The following CDH13 variants were observed in gnomAD, a reference collection of about 807,000 sequenced individuals.
CDH13 encodes the protein cadherin 13.
CDH13 carries 24 observed loss-of-function variants against 63.8 expected under a neutral mutation model. That is an observed-to-expected ratio of 0.38 (90% confidence interval 0.27 to 0.53). The LOEUF (loss-of-function observed/expected upper bound fraction) is 0.53, where lower values mean the gene tolerates loss of function less well. Among genes scored for constraint, CDH13 ranks in the 20% least tolerant of loss-of-function variants. The pLI, the probability that CDH13 is intolerant of heterozygous loss-of-function variation, is 0.85. For missense variants in CDH13, 1,049 were observed against 903.1 expected (o/e 1.16, Z -2.07); for synonymous variants, 503 against 355.3 (o/e 1.42, Z -4.67).
intron 7 of CDH13, among the ~76,000 whole-genome samples, chr16:83,511,701 T>G (rs1472089404): frequency 2.6e-5 from 4 of 152,114 alleles, no homozygotes; most frequent in Admixed American, 6.6e-5. Context: ...AAGAAAAAAG[T>G]ATAATTATCC....
At chr16:83,474,247 C>G (rs2073540779) in intron 6 of CDH13, among the ~76,000 whole-genome samples, 1 of 152,192 alleles carries the variant, frequency 6.6e-6, no homozygotes, top group Non-Finnish European at 1.5e-5. Context: ...TATATTTTAC[C>G]TGCATCTTTA....
chr16:83,181,339 A>G (rs1382954833), intron 4 of CDH13, among the ~76,000 whole-genome samples: 1 of 152,188 alleles, frequency 6.6e-6, no homozygotes, highest in Non-Finnish European at 1.5e-5. Flanking sequence ...GGATTTGATA[A>G]GTCTGCAGAG....
At chr16:82,638,823 T>TGTGTGTGTGTGGTGTGTGTGCGCGCGC (rs139451683) in intron 1 of CDH13, among the ~76,000 whole-genome samples, 1 of 150,790 alleles carries the variant, frequency 6.6e-6, no homozygotes, top group Admixed American at 6.6e-5. Flanking sequence ...GGGCAGTGTG[T>TGTGTGTGTGTGGTGTGTGTGCGCGCGC]GCGTGTGTGC....
intron 4 of CDH13, among the ~76,000 whole-genome samples, chr16:83,173,216 C>G (rs1476042212): frequency 6.6e-6 from 1 of 152,142 alleles, no homozygotes; most frequent in African/African-American, 2.4e-5. Flanking sequence ...TGGTCATACA[C>G]TCTGCTGGTT....
At chr16:82,937,250 G>C (rs1051419220) in intron 2 of CDH13, among the ~76,000 whole-genome samples, 2 of 152,134 alleles carry the variant, frequency 1.3e-5, no homozygotes, top group African/African-American at 4.8e-5. Context: ...TAGCCTCACA[G>C]ATATACATAA....
At chr16:83,121,679 C>T (rs1219583336) in intron 3 of CDH13, among the ~76,000 whole-genome samples, 2 of 152,174 alleles carry the variant, frequency 1.3e-5, no homozygotes, top group African/African-American at 4.8e-5. Flanking sequence ...ATTTTTGCCC[C>T]TTATAAATCA....
intron 1 of CDH13, among the ~76,000 whole-genome samples, chr16:82,828,906 G>T (rs932036206): frequency 6.6e-6 from 1 of 152,102 alleles, no homozygotes; most frequent in Non-Finnish European, 1.5e-5. Context: ...CCTGGAATCA[G>T]TCCCTCACAG....
intron 5 of CDH13, among the ~76,000 whole-genome samples, chr16:83,229,743 G>C (rs1352508022): frequency 6.6e-6 from 1 of 152,058 alleles, no homozygotes. Flanking sequence ...ACCTTTTCTG[G>C]AATCATGTTG....
intron 4 of CDH13, among the ~76,000 whole-genome samples, chr16:83,141,861 G>A (rs1433234567): frequency 6.6e-6 from 1 of 152,034 alleles, no homozygotes. Context: ...CTTTTTTATG[G>A]CTGCATAGTA....
chr16:82,911,940 G>A (rs1324471637), intron 2 of CDH13, among the ~76,000 whole-genome samples: 3 of 151,852 alleles, frequency 2.0e-5, no homozygotes, highest in Non-Finnish European at 4.4e-5. Flanking sequence ...GAACCACCCG[G>A]CACTTGCTGA....
intron 1 of CDH13, among the ~76,000 whole-genome samples, chr16:82,849,044 A>G (rs919821213): frequency 6.6e-6 from 1 of 152,086 alleles, no homozygotes; most frequent in African/African-American, 2.4e-5. Context: ...AGATGATCAA[A>G]CCAGCCGCAA....
chr16:82,631,089 T>G (rs774347528), intron 1 of CDH13, among the ~76,000 whole-genome samples: 4 of 152,246 alleles, frequency 2.6e-5, no homozygotes, highest in Non-Finnish European at 5.9e-5. Context: ...TTGCTTTCCT[T>G]CTTTTGCTCT....
chr16:83,738,234 C>T (rs1374323775), intron 10 of CDH13, among the ~76,000 whole-genome samples: 3 of 152,198 alleles, frequency 2.0e-5, no homozygotes, highest in African/African-American at 7.2e-5. Flanking sequence ...AGGGAATACA[C>T]TGCTGTCTTC....
At chr16:82,834,394 G>T (rs117937873) in intron 1 of CDH13, among the ~76,000 whole-genome samples, 2,345 of 152,224 alleles carry the variant, frequency 0.015, 34 homozygotes, top group Middle Eastern at 0.024. Flanking sequence ...GATTCAAAGA[G>T]CATCTATTCA....
chr16:83,516,572 C>A (rs1401468687), intron 7 of CDH13, among the ~76,000 whole-genome samples: 1 of 152,142 alleles, frequency 6.6e-6, no homozygotes, highest in South Asian at 2.1e-4. Flanking sequence ...TCTTCCTAGA[C>A]CTGGGATTTT....
rs1904310823 is a variant in CDH13 at position 83,800,190 on chromosome 16, ATGAAGATT to A, written c.*5163_*5170del. On this transcript the variant is annotated 3_prime_UTR_variant, in exon 14 of 14. Coordinates refer to ENST00000567109, the MANE Select transcript of CDH13 (RefSeq NM_001257.5). ...CGAGGGAGGTTTTCACTCTGAAGCT[ATGAAGATT>A]TGGAGAAAGGGGCTTATAGAAGCAC... 1 of 152,202 alleles carries A rather than the reference ATGAAGATT, an allele frequency of 6.6e-6. No homozygotes were observed. The highest frequency in any genetic ancestry group is 2.4e-5 in the African/African-American group (1 of 41,450). The allele number at this position is 152,202 out of a possible 1,614,324, so 9.4% of individuals were successfully genotyped here. A position where few individuals can be genotyped will look rare whatever the true frequency, so the allele number is the denominator to read the frequency against.
intron 4 of CDH13, among the ~76,000 whole-genome samples, chr16:83,133,363 A>G (rs1168662477): frequency 6.6e-6 from 1 of 152,220 alleles, no homozygotes; most frequent in African/African-American, 2.4e-5. Flanking sequence ...TTCATTTGGA[A>G]ACAAATCCCT....
At chr16:83,528,161 C>T (rs1433968818) in intron 7 of CDH13, among the ~76,000 whole-genome samples, 2 of 152,302 alleles carry the variant, frequency 1.3e-5, no homozygotes, top group East Asian at 1.9e-4. Context: ...GATAACTAAA[C>T]ATATTCAGCT....
intron 10 of CDH13, among the ~76,000 whole-genome samples, chr16:83,718,439 A>C (rs533985422): frequency 6.6e-6 from 1 of 152,200 alleles, no homozygotes; most frequent in African/African-American, 2.4e-5. Flanking sequence ...AGCGTTTTCA[A>C]GAGTGAAGGA....
Sources: gnomAD v4.1 joint callset for allele counts (sites outside exome capture counted in the v4.1 genomes callset) on GRCh38, gnomAD v4.1.1 for gene constraint, MANE v1.5 for transcripts, NCBI Gene and HGNC (gene_info 2026-07-23, HGNC 2026-07-21) for gene names.